CPNE2: variants seen among roughly 807,000 people sequenced by gnomAD.
The protein encoded by CPNE2 is copine 2, also known as copine-2.
A neutral mutation model predicts 69.7 loss-of-function variants in CPNE2; 42 were observed. The observed-to-expected ratio is 0.60, with a 90% confidence interval of 0.47 to 0.78. CPNE2 has a LOEUF of 0.78. CPNE2 is among the 30% of genes least tolerant of loss of function. The probability of loss-of-function intolerance (pLI) is 0.00; values close to 1 mark genes in which losing one functional copy is unlikely to be tolerated. For synonymous variants in CPNE2, 294 were observed against 289.8 expected, an observed-to-expected ratio of 1.01 and a Z score of -0.15; for missense variants, 587 against 732.0, an observed-to-expected ratio of 0.80 and a Z score of 2.29.
At chr16:57,147,429 C>A in intron 15 of CPNE2, 122 bp from the exon 16 acceptor site, 2 of 620,756 alleles carry the variant, frequency 3.2e-6, no homozygotes, top group Non-Finnish European at 5.3e-6. Context: ...TGGCCCGCAG[C>A]CCTAATTTTG....
At chr16:57,132,944 G>A (rs1381943737) in intron 12 of CPNE2, among the ~76,000 whole-genome samples, 1 of 152,138 alleles carries the variant, frequency 6.6e-6, no homozygotes, top group African/African-American at 2.4e-5. Context: ...GGAAGAGTGG[G>A]GATGAAGAGC....
At chr16:57,102,960 C>G (rs1347769451) in intron 1 of CPNE2, among the ~76,000 whole-genome samples, 2 of 152,066 alleles carry the variant, frequency 1.3e-5, no homozygotes, top group African/African-American at 4.8e-5. Context: ...ACACATCCCC[C>G]AAATTTTTTA....
At chr16:57,107,462 C>T (rs980743605) in intron 1 of CPNE2, among the ~76,000 whole-genome samples, 5 of 152,210 alleles carry the variant, frequency 3.3e-5, no homozygotes, top group African/African-American at 1.2e-4. Context: ...CCCTGGCCTC[C>T]TGCAGACCGG....
intron 1 of CPNE2, among the ~76,000 whole-genome samples, chr16:57,095,971 A>G (rs2069575958): frequency 1.3e-5 from 2 of 152,218 alleles, no homozygotes; most frequent in Non-Finnish European, 2.9e-5. Flanking sequence ...AGATCCACAA[A>G]AAGGCAAGAG....
intron 14 of CPNE2, among the ~76,000 whole-genome samples, chr16:57,140,158 C>T (rs2069911064): frequency 6.6e-6 from 1 of 151,976 alleles, no homozygotes; most frequent in African/African-American, 2.4e-5. Flanking sequence ...ATGTTTCCTG[C>T]TCTAAACCCA....
At chr16:57,094,436 C>A (rs2069565366) in intron 1 of CPNE2, among the ~76,000 whole-genome samples, 1 of 152,248 alleles carries the variant, frequency 6.6e-6, no homozygotes, top group South Asian at 2.1e-4. Flanking sequence ...GAATTAAAAA[C>A]TGGGGCATAA....
At chr16:57,131,051 A>G (rs9921622) in intron 12 of CPNE2, among the ~76,000 whole-genome samples, 106,940 of 151,962 alleles carry the variant, frequency 0.7, 38,381 homozygotes, top group African/African-American at 0.83. Context: ...GAGTCGCTGC[A>G]GATGGGCAGG....
chr16:57,126,084 A>C (rs1597500242), intron 11 of CPNE2, 91 bp downstream of exon 11: 1 of 1,515,502 alleles, frequency 6.6e-7, no homozygotes, highest in East Asian at 2.3e-5. Context: ...CCCAGAGATC[A>C]TCAAATCTAG....
rs546448272 is a variant in CPNE2 at position 57,130,392 on chromosome 16, A to C, written c.1116+2489A>C. Among the ~76,000 whole-genome samples the C allele has an allele frequency of 1.3e-5, 2 of 152,036 alleles. No individual in the cohort carries two copies. Among genetic ancestry groups the C allele is most frequent in the Non-Finnish European group, 2.9e-5 (2 of 68,020 alleles). On this transcript the variant is annotated intron_variant, in intron 12 of 15. Coordinates refer to ENST00000290776, the MANE Select transcript of CPNE2 (RefSeq NM_152727.6). The surrounding 1 kb of genome is among the most constrained non-coding windows in gnomAD (Gnocchi z 4.1). The stretch of plus-strand genomic sequence containing the variant: ...TTAATTAATTAATTAATTAAAATAA[A>C]AAAAGAGACAGCTGCATGAGAGAGC...
intron 12 of CPNE2, among the ~76,000 whole-genome samples, chr16:57,132,168 C>T (rs527961946): frequency 2.0e-4 from 31 of 152,294 alleles, no homozygotes; most frequent in South Asian, 2.1e-4. Flanking sequence ...AGAAGGAGCA[C>T]GTGACCAGGC....
At chr16:57,147,492 C>T in intron 15 of CPNE2, 59 bp from the exon 16 acceptor site, 1 of 1,293,342 alleles carries the variant, frequency 7.7e-7, no homozygotes, top group Admixed American at 2.2e-5. Flanking sequence ...CCGCTCACAA[C>T]TTCCGGTCAT....
chr16:57,100,922 AT>A (rs35199687), intron 1 of CPNE2, among the ~76,000 whole-genome samples: 2,897 of 152,222 alleles, frequency 0.019, 92 homozygotes, highest in East Asian at 0.16. Context: ...GGAACTAAAG[AT>A]TGCTATGATG....
Position 57,146,378 on chromosome 16 carries a change from C to T in CPNE2, c.1539+57C>T, listed in dbSNP as rs765132318. 8 of 1,394,020 alleles carry T rather than the reference C, an allele frequency of 5.7e-6. No homozygotes were observed. Among genetic ancestry groups the T allele is most frequent in the East Asian group, 2.5e-5 (1 of 39,952 alleles). 86.4% of individuals were successfully genotyped at this position (1,394,020 alleles called of 1,614,324 possible). On this transcript the variant is annotated intron_variant, in intron 15 of 15. Transcript: ENST00000290776. This position sits in a 1 kb window ranked among gnomAD's most constrained non-coding sequence, Gnocchi z 4.4. ...TTACAGGATCCCAGCCACCATAGCT[C>T]ATAATCAAGCTTGAGAGTCTTGGGG...
At chr16:57,126,110 G>A in intron 11 of CPNE2, 117 bp downstream of exon 11, 2 of 1,314,412 alleles carry the variant, frequency 1.5e-6, no homozygotes, top group Non-Finnish European at 2.1e-6. Flanking sequence ...GACAGCAAAT[G>A]GCATAGGTGC....
chr16:57,115,635 A>G, intron 4 of CPNE2, 85 bp downstream of exon 4: 1 of 950,748 alleles, frequency 1.1e-6, no homozygotes, highest in South Asian at 1.6e-5. Flanking sequence ...CCTGGCAGAT[A>G]ATCACCAGCT....
At chr16:57,120,631 G>A (rs2069755002) in intron 7 of CPNE2, among the ~76,000 whole-genome samples, 1 of 152,062 alleles carries the variant, frequency 6.6e-6, no homozygotes, top group African/African-American at 2.4e-5. Flanking sequence ...CTTTGGGCAG[G>A]TACATCTCTT....
chr16:57,123,229 T>G, intron 9 of CPNE2, 185 bp from the exon 10 acceptor site: 3 of 626,192 alleles, frequency 4.8e-6, no homozygotes, highest in Non-Finnish European at 8.6e-6. Flanking sequence ...CCCCCACCCA[T>G]TAGGAACCAT....
At position 57,137,296 on chromosome 16, in the gene CPNE2, T is replaced by G; in HGVS notation, c.1302+14T>G. On this transcript the variant is annotated intron_variant, in intron 14 of 15. Coordinates refer to ENST00000290776, the MANE Select transcript of CPNE2 (RefSeq NM_152727.6). ...CGGACGGCCACGGTGAGTAGGCAGC[T>G]GCAAGCCAGTCATGCCAGGAAACAC... 6.2e-7 allele frequency: 1 copy of G among 1,613,660 alleles called. No homozygotes were observed. Among genetic ancestry groups the G allele is most frequent in the Non-Finnish European group, 8.5e-7 (1 of 1,179,886 alleles).
At position 57,125,862 on chromosome 16, in the gene CPNE2, T is replaced by C; in HGVS notation, c.930T>C (p.Val310=). Residue 310 remains valine, a splice_region_variant and synonymous_variant, in exon 11 of 16, where the codon GTT becomes GTC. Coordinates refer to ENST00000290776, the MANE Select transcript of CPNE2 (RefSeq NM_152727.6). ...ILGGCQLMFT[V]GIDFTASNGN... is the part of the protein sequence containing the mutation. ...TGGCCTTTTTCTCCACTCTGCAGGTTGGAATAGACTTTACAGCCTCCAACG... is the reference window on the plus strand; with the variant it reads ...TGGCCTTTTTCTCCACTCTGCAGGTCGGAATAGACTTTACAGCCTCCAACG... 6.2e-7 allele frequency: 1 copy of C among 1,614,152 alleles called. No homozygotes were observed. The highest frequency in any genetic ancestry group is 8.5e-7 in the Non-Finnish European group (1 of 1,180,012).
Sources: gnomAD v4.1 joint callset for allele counts (sites outside exome capture counted in the v4.1 genomes callset) on GRCh38, gnomAD v4.1.1 for gene constraint, Gnocchi (gnomAD v3.1) non-coding constraint, MANE v1.5 for transcripts, NCBI Gene and HGNC (gene_info 2026-07-23, HGNC 2026-07-21) for gene names.